Variants in OLA1 observed in about 807,000 individuals in gnomAD.
OLA1 encodes the protein obg-like ATPase 1.
A neutral mutation model predicts 48.4 loss-of-function variants in OLA1; 14 were observed. The observed-to-expected ratio is 0.29, with a 90% CI of 0.19 to 0.45. The LOEUF is 0.45. OLA1 is among the 20% of genes least tolerant of loss of function. OLA1 has a pLI of 1.00. For missense variants in OLA1, 325 were observed against 467.1 expected, an observed-to-expected ratio of 0.70 and a Z score of 2.80; for synonymous variants, 127 against 150.4, an observed-to-expected ratio of 0.84 and a Z score of 1.14.
chr2:174,184,289 G>A (rs1479765819), intron 4 of OLA1, among the ~76,000 whole-genome samples: 1 of 152,176 alleles, frequency 6.6e-6, no homozygotes, highest in Non-Finnish European at 1.5e-5. Context: ...AAGCAAGGAA[G>A]ATCACTAATG....
chr2:174,226,269 A>C (rs952952076), intron 3 of OLA1, among the ~76,000 whole-genome samples: 2 of 152,128 alleles, frequency 1.3e-5, no homozygotes, highest in African/African-American at 2.4e-5. Context: ...GATAAGGTTT[A>C]AACTATTAAT....
At chr2:174,089,696 G>C (rs545379056) in intron 7 of OLA1, among the ~76,000 whole-genome samples, 6 of 152,058 alleles carry the variant, frequency 3.9e-5, no homozygotes, top group African/African-American at 1.2e-4. Context: ...GAGCTCATGA[G>C]TTCGAGACCA....
chr2:174,133,289 T>C (rs1163136530), intron 5 of OLA1, among the ~76,000 whole-genome samples: 1 of 152,196 alleles, frequency 6.6e-6, no homozygotes, highest in African/African-American at 2.4e-5. Flanking sequence ...GGACCTATGA[T>C]GGTTTAGCTT....
At chr2:174,100,122 G>A (rs564183060) in intron 7 of OLA1, among the ~76,000 whole-genome samples, 1 of 152,172 alleles carries the variant, frequency 6.6e-6, no homozygotes, top group African/African-American at 2.4e-5. Flanking sequence ...TGGGGGACCT[G>A]GATCAATAAT....
At chr2:174,145,650 T>C (rs1686576804) in intron 4 of OLA1, among the ~76,000 whole-genome samples, 1 of 152,208 alleles carries the variant, frequency 6.6e-6, no homozygotes, top group African/African-American at 2.4e-5. Flanking sequence ...AACTGCAATT[T>C]TCATTGTATT....
intron 2 of OLA1, among the ~76,000 whole-genome samples, chr2:174,244,271 G>A (rs988134988): frequency 6.6e-6 from 1 of 152,152 alleles, no homozygotes; most frequent in Admixed American, 6.6e-5. Context: ...TACAATTGCC[G>A]AAACTCATTA....
chr2:174,191,248 T>C (rs1031270027), intron 4 of OLA1, among the ~76,000 whole-genome samples: 35 of 152,090 alleles, frequency 2.3e-4, no homozygotes, highest in African/African-American at 8.2e-4. Context: ...TAAAAATATA[T>C]GTATATACAG....
chr2:174,139,896 A>G (rs1686403190), intron 5 of OLA1, among the ~76,000 whole-genome samples: 1 of 151,664 alleles, frequency 6.6e-6, no homozygotes, highest in African/African-American at 2.4e-5. Context: ...AAAGAAAGAA[A>G]AAAAAAAGGT....
chr2:174,141,982 T>C lies in OLA1; in HGVS notation c.392A>G (p.Asp131Gly). The C allele has an allele frequency of 1.2e-6, 2 of 1,613,302 alleles. No homozygotes were observed. Among genetic ancestry groups the C allele is most frequent in the Non-Finnish European group, 1.7e-6 (2 of 1,179,716 alleles). Residue 131 changes from aspartate (D) to glycine (G), a missense_variant, in exon 5 of 11, where the codon GAT becomes GGT. By Grantham distance (94) the Asp-to-Gly change is moderately conservative. Coordinates refer to ENST00000284719, the MANE Select transcript of OLA1 (RefSeq NM_013341.5). Reference protein sequence around the residue: ...FHLTRAFEDDDITHVEGSVDP... With the variant: ...FHLTRAFEDDGITHVEGSVDP... ...TACACTTCCTTCAACGTGCGTGATA[T>C]CATCATCTTCAAAAGCACCTAAAAT...
Position 174,079,028 on chromosome 2 carries a change from A to C in OLA1, c.1029T>G (p.Ile343Met). 1 of 1,603,984 alleles carries C rather than the reference A, an allele frequency of 6.2e-7. No individual in the cohort carries two copies. The highest frequency in any genetic ancestry group is 1.1e-5 in the South Asian group (1 of 90,088). The change falls in exon 10 of 11, where the codon ATT becomes ATG. Residue 343 changes from isoleucine to methionine, a missense_variant. Ile to Met is a conservative substitution (Grantham distance 10). Transcript: ENST00000284719. ...KIHTDFEKGF[I>M]MAEVMKYEDF... is the part of the protein sequence containing the mutation. ...CTTCGTATTTCATTACTTCAGCCAT[A>C]ATGAATCCCTTTTCAAAATCTGTGT...
chr2:174,149,136 T>C (rs1342235783), intron 4 of OLA1, among the ~76,000 whole-genome samples: 1 of 152,224 alleles, frequency 6.6e-6, no homozygotes, highest in African/African-American at 2.4e-5. Flanking sequence ...TAGTCTGACA[T>C]ATGCCAGCAC....
At position 174,082,164 on chromosome 2, in the gene OLA1, C is replaced by T. The variant is rs72920511; in HGVS notation, c.729-100G>A. 5.8e-4 allele frequency: 763 copies of T among 1,309,030 alleles called. 6 individuals are homozygous for T. The Admixed American group carries it at 7.7e-3, about 13-fold the overall frequency. 81.1% of individuals were successfully genotyped at this position (1,309,030 alleles called of 1,614,324 possible). A position where few individuals can be genotyped will look rare whatever the true frequency, so the allele number is the denominator to read the frequency against. On this transcript the variant is annotated intron_variant, in intron 7 of 10. Transcript: ENST00000284719. The stretch of plus-strand genomic sequence containing the variant: ...CACATACATATTCATAAGAATTGCA[C>T]GGTTTTATGATGCCATCTTTTTGTA...
In OLA1 at chr2:174,109,602, G is replaced by T. The variant is rs1401173172; in HGVS notation, c.728+13578C>A. 2.6e-5 allele frequency among the ~76,000 whole-genome samples: 4 copies of T among 152,106 alleles called. No individual in the cohort carries two copies. In the South Asian group the frequency reaches 6.2e-4, roughly 24 times the overall value. ...TTGAATACGGGAAAGGAAACAAATG[G>T]CTGATATTCTCCATATCCTCTTTCT... is the stretch of plus-strand genomic sequence containing the variant. On this transcript the variant is annotated intron_variant, in intron 7 of 10. Coordinates refer to ENST00000284719, the MANE Select transcript of OLA1 (RefSeq NM_013341.5).
rs1055520008 is a variant in OLA1 at position 174,208,940 on chromosome 2, C to T, written c.373+14093G>A. On this transcript the variant is annotated intron_variant, in intron 4 of 10. Transcript: ENST00000284719. Reference sequence around the variant, plus strand: ...ACCATCAACTCTATACTCATGTCTACGTCTTTCAAGTCTGTCCCTTCCTTT... The same window carrying T: ...ACCATCAACTCTATACTCATGTCTATGTCTTTCAAGTCTGTCCCTTCCTTT... Among the ~76,000 whole-genome samples the T allele has an allele frequency of 2.6e-5, 4 of 152,320 alleles. 1 individual carries two copies. The highest frequency in any genetic ancestry group is 6.8e-3 in the Middle Eastern group (2 of 294).
At chr2:174,162,467 T>G (rs1448967287) in intron 4 of OLA1, among the ~76,000 whole-genome samples, 2 of 152,218 alleles carry the variant, frequency 1.3e-5, no homozygotes, top group African/African-American at 4.8e-5. Context: ...ACGAAGGTAT[T>G]ATTGCTTCCT....
chr2:174,204,260 G>T (rs1485885057), intron 4 of OLA1, among the ~76,000 whole-genome samples: 1 of 152,078 alleles, frequency 6.6e-6, no homozygotes, highest in African/African-American at 2.4e-5. Flanking sequence ...AATTAGCCGG[G>T]TGTGGTGGCG....
intron 4 of OLA1, among the ~76,000 whole-genome samples, chr2:174,196,497 A>G (rs1254122049): frequency 6.6e-6 from 1 of 152,150 alleles, no homozygotes; most frequent in Non-Finnish European, 1.5e-5. Flanking sequence ...CAATAGCTGC[A>G]CACATTAAGT....
At chr2:174,218,785 G>C (rs914481117) in intron 4 of OLA1, among the ~76,000 whole-genome samples, 6 of 151,974 alleles carry the variant, frequency 3.9e-5, no homozygotes, top group African/African-American at 1.4e-4. Flanking sequence ...ACATTATTTG[G>C]GGGTAAACAA....
At chr2:174,133,070 C>T (rs1406738720) in intron 5 of OLA1, among the ~76,000 whole-genome samples, 1 of 152,106 alleles carries the variant, frequency 6.6e-6, no homozygotes, top group East Asian at 1.9e-4. Flanking sequence ...GAACATTTGG[C>T]ATTATGAAAT....
Sources: allele counts gnomAD v4.1 joint callset (sites outside exome capture counted in the v4.1 genomes callset), GRCh38; gene constraint gnomAD v4.1.1; transcripts MANE v1.5; gene names NCBI Gene and HGNC (gene_info 2026-07-23, HGNC 2026-07-21).